Variants in HCN1 observed in about 807,000 individuals in gnomAD.
HCN1 encodes potassium/sodium hyperpolarization-activated cyclic nucleotide-gated channel 1.
Under a neutral mutation model 78.9 loss-of-function variants are expected in HCN1, and 13 were observed. That is an observed-to-expected ratio of 0.16 (90% CI 0.11 to 0.26). The LOEUF (loss-of-function observed/expected upper bound fraction) is 0.26. Ranked by LOEUF, HCN1 falls within the 10% of genes least tolerant of loss-of-function variation. The probability of loss-of-function intolerance (pLI) is 1.00; values close to 1 mark genes in which losing one functional copy is unlikely to be tolerated. For synonymous variants in HCN1, 552 were observed against 455.5 expected, an observed-to-expected ratio of 1.21 and a Z score of -2.70; for missense variants, 810 against 1,154.3, an observed-to-expected ratio of 0.70 and a Z score of 4.32.
intron 2 of HCN1, chr5:45,575,324 C>T (rs1383737824): frequency 3.3e-5 from 5 of 151,990 alleles, no homozygotes; most frequent in Admixed American, 6.6e-5. Context: ...AGCAAACTAT[C>T]GCAAGGACAA....
intron 5 of HCN1, among the ~76,000 whole-genome samples, chr5:45,313,589 A>T (rs529720709): frequency 6.6e-6 from 1 of 152,198 alleles, no homozygotes; most frequent in Non-Finnish European, 1.5e-5. Flanking sequence ...AGGAAGTGCA[A>T]ATCCACCGCA....
At position 45,563,753 on chromosome 5, in the gene HCN1, T is replaced by C. The variant is rs142422834; in HGVS notation, c.849+81432A>G. Reference sequence around the variant, plus strand: ...ACAGCAATTATTTAATGAATAGTCATCATATACAACACTTTTTATAAGGTG... The same window carrying C: ...ACAGCAATTATTTAATGAATAGTCACCATATACAACACTTTTTATAAGGTG... On this transcript the variant is annotated intron_variant, in intron 2 of 7. Transcript: ENST00000303230. Among the ~76,000 whole-genome samples the C allele has an allele frequency of 2.3e-3, 345 of 152,282 alleles. 2 individuals are homozygous for C. The highest frequency in any genetic ancestry group is 7.7e-3 in the African/African-American group (322 of 41,570).
intron 2 of HCN1, among the ~76,000 whole-genome samples, chr5:45,588,239 T>A (rs951629205): frequency 1.3e-5 from 2 of 152,062 alleles, no homozygotes; most frequent in Non-Finnish European, 2.9e-5. Context: ...TAATGTACAT[T>A]TATATTCCGG....
chr5:45,333,206 T>C (rs1199804351), intron 5 of HCN1, among the ~76,000 whole-genome samples: 1 of 151,906 alleles, frequency 6.6e-6, no homozygotes, highest in Non-Finnish European at 1.5e-5. Context: ...GATATCTCAC[T>C]GTAGTTTTGA....
intron 3 of HCN1, among the ~76,000 whole-genome samples, chr5:45,453,075 G>T (rs1441446481): frequency 1.3e-5 from 2 of 151,912 alleles, no homozygotes; most frequent in African/African-American, 4.8e-5. Context: ...TTTCATTATG[G>T]GAAGCAACTA....
At chr5:45,335,072 T>C (rs182385912) in intron 5 of HCN1, among the ~76,000 whole-genome samples, 1 of 152,136 alleles carries the variant, frequency 6.6e-6, no homozygotes, top group Admixed American at 6.6e-5. Context: ...TATACTGACA[T>C]TCTATATTCT....
intron 6 of HCN1, among the ~76,000 whole-genome samples, chr5:45,268,671 G>T (rs1744906275): frequency 6.6e-6 from 1 of 152,186 alleles, no homozygotes; most frequent in South Asian, 2.1e-4. Flanking sequence ...TTTAGGAAAT[G>T]TCACCTAAAC....
intron 2 of HCN1, among the ~76,000 whole-genome samples, chr5:45,621,541 A>G (rs2111995406): frequency 6.6e-6 from 1 of 152,328 alleles, no homozygotes; most frequent in South Asian, 2.1e-4. Flanking sequence ...TGGGGGATAA[A>G]AAATCTAATG....
chr5:45,372,657 CATTTATATATAAAAATATAAAAT>C (rs1487722544), intron 4 of HCN1, among the ~76,000 whole-genome samples: 1 of 74,228 alleles, frequency 1.3e-5, no homozygotes, highest in Non-Finnish European at 2.2e-5. Context: ...ATATATAAAA[CATTTATATATAAAAATATAAAAT>C]ATTTATATAT....
At chr5:45,556,050 A>C (rs1424272446) in intron 2 of HCN1, among the ~76,000 whole-genome samples, 1 of 152,034 alleles carries the variant, frequency 6.6e-6, no homozygotes, top group Non-Finnish European at 1.5e-5. Flanking sequence ...CATATACAAA[A>C]GTCAAATCAA....
intron 2 of HCN1, among the ~76,000 whole-genome samples, chr5:45,504,561 C>T (rs1205759968): frequency 2.6e-5 from 4 of 151,966 alleles, no homozygotes; most frequent in Admixed American, 6.6e-5. Flanking sequence ...AATAAACATA[C>T]GTGTGCATGT....
intron 2 of HCN1, among the ~76,000 whole-genome samples, chr5:45,476,833 C>T (rs947077366): frequency 2.6e-5 from 4 of 152,048 alleles, no homozygotes; most frequent in African/African-American, 9.7e-5. Flanking sequence ...GTACTTAATG[C>T]AAACTTTGTT....
chr5:45,526,276 C>A (rs1392118183), intron 2 of HCN1, among the ~76,000 whole-genome samples: 3 of 151,994 alleles, frequency 2.0e-5, no homozygotes, highest in Non-Finnish European at 4.4e-5. Flanking sequence ...TGAGTTTCTC[C>A]TTTGAGTTTC....
chr5:45,425,819 G>C (rs184287188), intron 3 of HCN1, among the ~76,000 whole-genome samples: 28 of 152,176 alleles, frequency 1.8e-4, no homozygotes, highest in Non-Finnish European at 3.4e-4. Flanking sequence ...CAAGTCAGGA[G>C]AGAAGGGAGG....
Position 45,371,346 on chromosome 5 carries a change from T to C in HCN1, c.1231-18100A>G, listed in dbSNP as rs147049173. ...GTCAATGAATCCTGGAGTTGGTTCC[T>C]TGAAAAAATTAATAACATAAGTCGA... is the stretch of plus-strand genomic sequence containing the variant. On this transcript the variant is annotated intron_variant, in intron 4 of 7. Coordinates refer to ENST00000303230, the MANE Select transcript of HCN1 (RefSeq NM_021072.4). 7.6e-4 allele frequency among the ~76,000 whole-genome samples: 116 copies of C among 152,004 alleles called. 1 individual carries two copies. The highest frequency in any genetic ancestry group is 2.7e-3 in the African/African-American group (113 of 41,480).
At chr5:45,601,353 A>C in intron 2 of HCN1, among the ~76,000 whole-genome samples, 1 of 152,286 alleles carries the variant, frequency 6.6e-6, no homozygotes, top group African/African-American at 2.4e-5. Context: ...ATCCCAAATC[A>C]TCAGCAAGCA....
intron 2 of HCN1, among the ~76,000 whole-genome samples, chr5:45,557,047 C>T (rs1333043937): frequency 2.6e-5 from 4 of 152,078 alleles, no homozygotes; most frequent in African/African-American, 7.2e-5. Context: ...TAATCTGTCT[C>T]ACTTCTCTTT....
At chr5:45,683,503 T>A (rs1030227302) in intron 1 of HCN1, among the ~76,000 whole-genome samples, 3 of 152,124 alleles carry the variant, frequency 2.0e-5, no homozygotes, top group Non-Finnish European at 2.9e-5. Flanking sequence ...GTGTGCCTTA[T>A]TGTATTGCCT....
intron 2 of HCN1, among the ~76,000 whole-genome samples, chr5:45,482,214 G>C (rs1444897412): frequency 6.6e-6 from 1 of 152,170 alleles, no homozygotes; most frequent in Non-Finnish European, 1.5e-5. Context: ...CTGATCTTCT[G>C]TGTGCTTCAA....
Sources: gnomAD v4.1 joint callset for allele counts (sites outside exome capture counted in the v4.1 genomes callset) on GRCh38, gnomAD v4.1.1 for gene constraint, MANE v1.5 for transcripts, NCBI Gene and HGNC (gene_info 2026-07-23, HGNC 2026-07-21) for gene names.